The following DNAH9 variants were observed in gnomAD, a reference collection of about 807,000 sequenced individuals.
DNAH9 encodes the protein dynein axonemal heavy chain 9, also known as DNAH9 variant protein.
A neutral mutation model predicts 471.6 loss-of-function variants in DNAH9; 345 were observed. The observed-to-expected ratio is 0.73, with a 90% CI of 0.67 to 0.80. The LOEUF (loss-of-function observed/expected upper bound fraction) is 0.80, where lower values mean the gene tolerates loss of function less well. DNAH9 is among the 30% of genes least tolerant of loss of function. The probability of loss-of-function intolerance (pLI) is 0.00; values close to 1 mark genes in which losing one functional copy is unlikely to be tolerated. For missense variants in DNAH9, 5,407 were observed against 5,609.2 expected, an observed-to-expected ratio of 0.96 and a Z score of 1.15; for synonymous variants, 2,093 against 2,123.6, an observed-to-expected ratio of 0.99 and a Z score of 0.40.
intron 37 of DNAH9, among the ~76,000 whole-genome samples, chr17:11,768,897 G>T (rs1169469761): frequency 6.6e-6 from 1 of 152,154 alleles, no homozygotes; most frequent in Non-Finnish European, 1.5e-5. Flanking sequence ...GGCCCGGGTG[G>T]TAGAGGAGAG....
intron 13 of DNAH9, among the ~76,000 whole-genome samples, chr17:11,651,840 T>C (rs1244111760): frequency 6.6e-6 from 1 of 152,062 alleles, no homozygotes; most frequent in Non-Finnish European, 1.5e-5. Context: ...CAGACAGATA[T>C]ACAACATAAC....
At chr17:11,747,145 A>C (rs1966913871) in intron 31 of DNAH9, among the ~76,000 whole-genome samples, 1 of 152,226 alleles carries the variant, frequency 6.6e-6, no homozygotes, top group African/African-American at 2.4e-5. Flanking sequence ...GGGACTTGTA[A>C]GTTATGTGTA....
rs554982792 is a variant in DNAH9, at chr17:11,623,203, A to G, written c.1350+3422A>G. Among the ~76,000 whole-genome samples, 3 of 151,202 alleles carry G rather than the reference A, an allele frequency of 2.0e-5. No homozygotes were observed. The highest frequency in any genetic ancestry group is 3.9e-4 in the East Asian group (2 of 5,122). On this transcript the variant is annotated intron_variant, in intron 6 of 68. Transcript: ENST00000262442. This position sits in a 1 kb window ranked among gnomAD's most constrained non-coding sequence, Gnocchi z 4.1. The stretch of plus-strand genomic sequence containing the variant: ...TGGTCAGGCTGGTCTTGAACTCCCA[A>G]CCTCAGGAGATCCACCCAGCTTGGC...
chr17:11,670,416 A>G (rs917196844), intron 17 of DNAH9, among the ~76,000 whole-genome samples: 3 of 152,084 alleles, frequency 2.0e-5, no homozygotes, highest in Non-Finnish European at 4.4e-5. Flanking sequence ...ACCCACCACA[A>G]TTAGAATCTC....
intron 35 of DNAH9, among the ~76,000 whole-genome samples, chr17:11,759,536 T>G (rs1001169609): frequency 4.1e-5 from 6 of 144,908 alleles, no homozygotes; most frequent in Admixed American, 3.5e-4. Context: ...TTTTTTTTTT[T>G]TTTTGAGTCG....
rs370342449 is a variant in DNAH9 at position 11,906,507 on chromosome 17, A to G, written c.11749+698A>G. On this transcript the variant is annotated intron_variant, in intron 61 of 68. Coordinates refer to ENST00000262442, the MANE Select transcript of DNAH9 (RefSeq NM_001372.4). ...CTAAGCATGGTGGCAGGCACCTGTA[A>G]TCCCAGCTACTCGGGAAGCTGAGGC... Among the ~76,000 whole-genome samples the G allele has an allele frequency of 1.6e-3, 241 of 152,012 alleles. 2 individuals are homozygous for G. Among genetic ancestry groups the G allele is most frequent in the African/African-American group, 5.5e-3 (228 of 41,428 alleles).
rs2150970507 is a variant in DNAH9, at chr17:11,854,213, G to A, written c.9718G>A (p.Ala3240Thr). 2 of 1,614,152 alleles carry A rather than the reference G, an allele frequency of 1.2e-6. No individual in the cohort carries two copies. The highest frequency in any genetic ancestry group is 1.7e-6 in the Non-Finnish European group (2 of 1,180,034). The stretch of plus-strand genomic sequence containing the variant: ...GAACATTCACGAGAACTGCCTCAAA[G>A]CCATCAGGCCGTATCTGCAAGACCC... ...KENIHENCLK[A>T]IRPYLQDPEF... The change falls in exon 50 of 69, where the codon GCC (alanine) becomes ACC (threonine). Residue 3240 changes from alanine (A) to threonine (T), a missense_variant. Physicochemically the swap from Ala to Thr is moderately conservative, Grantham distance 58 (BLOSUM62 0). This residue lies in a region of DNAH9 where 4,636 missense variants were observed against 4,900.3 expected (regional missense o/e 0.95). Transcript: ENST00000262442.
intron 32 of DNAH9, among the ~76,000 whole-genome samples, chr17:11,749,725 T>G (rs916494626): frequency 1.3e-5 from 2 of 152,160 alleles, no homozygotes; most frequent in African/African-American, 4.8e-5. Context: ...TACCATTTAT[T>G]AAGTAAACTA....
At position 11,822,534 on chromosome 17, in the gene DNAH9, G is replaced by C. The variant is rs202196562; in HGVS notation, c.8947G>C (p.Glu2983Gln). The change falls in exon 47 of 69, where the codon GAG becomes CAG. Residue 2983 changes from glutamate to glutamine, a missense_variant. Coordinates refer to ENST00000262442, the MANE Select transcript of DNAH9 (RefSeq NM_001372.4). ...VNCTAIHWFH[E>Q]WPQQALESVS... Reference sequence around the variant, plus strand: ...CTGCACAGCCATCCACTGGTTCCACGAGTGGCCTCAGCAAGCATTGGAGTC... The same window carrying C: ...CTGCACAGCCATCCACTGGTTCCACCAGTGGCCTCAGCAAGCATTGGAGTC... 1.2e-6 allele frequency: 2 copies of C among 1,614,036 alleles called. No individual in the cohort carries two copies. Among genetic ancestry groups the C allele is most frequent in the East Asian group, 4.5e-5 (2 of 44,874 alleles).
intron 34 of DNAH9, 43 bp downstream of exon 34, chr17:11,756,719 G>A: frequency 7.9e-7 from 1 of 1,261,336 alleles, no homozygotes; most frequent in Non-Finnish European, 1.2e-6. Context: ...ACTCCACTTA[G>A]GGAGGTACCT....
intron 26 of DNAH9, among the ~76,000 whole-genome samples, chr17:11,714,371 G>A (rs1021471343): frequency 3.3e-5 from 5 of 151,940 alleles, no homozygotes; most frequent in African/African-American, 7.3e-5. Context: ...TTGTTCTATC[G>A]TCTATCTAGT....
chr17:11,938,995 GA>G (rs1392524889), intron 66 of DNAH9, among the ~76,000 whole-genome samples: 6 of 152,138 alleles, frequency 3.9e-5, no homozygotes, highest in African/African-American at 1.4e-4. Context: ...CTGATTTTAG[GA>G]AAGCAAACTG....
At chr17:11,631,608 T>C (rs1335793696) in intron 7 of DNAH9, among the ~76,000 whole-genome samples, 1 of 147,360 alleles carries the variant, frequency 6.8e-6, no homozygotes, top group East Asian at 2.0e-4. Context: ...GCCACTGCAC[T>C]CCAGCCTGGG....
chr17:11,890,518 A>C (rs1973015050), intron 57 of DNAH9, among the ~76,000 whole-genome samples: 1 of 152,240 alleles, frequency 6.6e-6, no homozygotes, highest in African/African-American at 2.4e-5. Flanking sequence ...TTTCCATTAA[A>C]GTTCAAATAC....
intron 50 of DNAH9, among the ~76,000 whole-genome samples, chr17:11,866,812 G>A (rs1972073781): frequency 6.6e-6 from 1 of 152,236 alleles, no homozygotes; most frequent in African/African-American, 2.4e-5. Context: ...GTGGGCATAG[G>A]ACCCTCCGAG....
chr17:11,649,433 A>G (rs2073457885), intron 12 of DNAH9, among the ~76,000 whole-genome samples: 1 of 152,184 alleles, frequency 6.6e-6, no homozygotes, highest in Admixed American at 6.5e-5. Context: ...GTATAAAATA[A>G]TAGTGAATCT....
chr17:11,838,990 C>T (rs533603677), intron 49 of DNAH9, among the ~76,000 whole-genome samples: 36 of 152,288 alleles, frequency 2.4e-4, no homozygotes, highest in African/African-American at 8.4e-4. Flanking sequence ...TAAGTCTCTG[C>T]ACACTTTAAG....
In DNAH9 at chr17:11,680,734, G is replaced by A. The variant is rs779037995; in HGVS notation, c.3588G>A (p.Glu1196=). The A allele has an allele frequency of 4.3e-6, 7 of 1,614,024 alleles. No homozygotes were observed. In the East Asian group the frequency reaches 1.6e-4, roughly 36 times the overall value. The part of the protein sequence containing the change: ...TVFKQLEELP[E]KWNNIKKVAI... ...GGTTTCCTTTGCAGGAGCTGCCTGA[G>A]AAATGGAACAACATAAAAAAGGTGG... Residue 1196 remains glutamate, a synonymous_variant, in exon 19 of 69, where the codon GAG becomes GAA. Coordinates refer to ENST00000262442, the MANE Select transcript of DNAH9 (RefSeq NM_001372.4).
intron 17 of DNAH9, among the ~76,000 whole-genome samples, chr17:11,679,254 T>C (rs1202317062): frequency 6.6e-6 from 1 of 152,270 alleles, no homozygotes. Flanking sequence ...TCTCCTGGAA[T>C]TCTCCATCAA....
Sources: gnomAD v4.1 joint callset for allele counts (sites outside exome capture counted in the v4.1 genomes callset) on GRCh38, gnomAD v4.1.1 for gene constraint, gnomAD v4.1.1 regional missense constraint, Gnocchi (gnomAD v3.1) non-coding constraint, MANE v1.5 for transcripts, NCBI Gene and HGNC (gene_info 2026-07-23, HGNC 2026-07-21) for gene names.